Variants in INTS14 observed in about 807,000 individuals in gnomAD.
INTS14 encodes UPF0464 protein C15orf44.
Under a neutral mutation model 56.9 loss-of-function variants are expected in INTS14, and 27 were observed. The ratio of observed to expected loss-of-function variants is 0.47; its 90% CI spans 0.35 to 0.65. INTS14 has a LOEUF of 0.65. Among genes scored for constraint, INTS14 ranks in the 30% least tolerant of loss-of-function variants. INTS14 has a pLI of 0.00. For synonymous variants in INTS14, 207 were observed against 236.2 expected (o/e 0.88, Z 1.13); for missense variants, 517 against 632.2 (o/e 0.82, Z 1.95).
intron 1 of INTS14, among the ~76,000 whole-genome samples, chr15:65,607,817 G>A (rs111308290): frequency 1.8e-4 from 27 of 152,302 alleles, no homozygotes; most frequent in African/African-American, 6.5e-4. Context: ...GGTGCTATTT[G>A]ACAAACAACC....
intron 9 of INTS14, chr15:65,586,949 C>A (rs2072847932): frequency 1.3e-5 from 2 of 152,018 alleles, no homozygotes; most frequent in African/African-American, 4.8e-5. Context: ...ATTCAGAATA[C>A]CAGGGATACA....
At position 65,579,150 on chromosome 15, in the gene INTS14, A is replaced by C; in HGVS notation, c.*258T>G. The C allele has an allele frequency of 2.4e-6, 1 of 425,494 alleles. No homozygotes were observed. Among genetic ancestry groups the C allele is most frequent in the Non-Finnish European group, 4.2e-6 (1 of 238,628 alleles). 26.4% of individuals were successfully genotyped at this position (425,494 alleles called of 1,614,324 possible). A position where few individuals can be genotyped will look rare whatever the true frequency, so the allele number is the denominator to read the frequency against. ...TCATCAGTCATTCAAGCTTCTCAGG[A>C]AATGTGCCCATCATGGGAACAGCAG... On this transcript the variant is annotated 3_prime_UTR_variant, in exon 12 of 12. Transcript: ENST00000313182.
rs751729503 is a variant in INTS14, at chr15:65,598,303, G to GT, written c.748+17dup. 68 of 1,605,624 alleles carry GT rather than the reference G, an allele frequency of 4.2e-5. No homozygotes were observed. Among genetic ancestry groups the GT allele is most frequent in the Non-Finnish European group, 5.5e-5 (65 of 1,175,158 alleles). ...GGATAACAGAGAAACTAAGAAATAA[G>GT]TTTTTTTAAAAAGTTACCTGTGTTA... On this transcript the variant is annotated intron_variant, in intron 6 of 11. Transcript: ENST00000313182.
rs371480512 is a variant in INTS14, at chr15:65,591,729, G to C, written c.989C>G (p.Pro330Arg). 8.1e-6 allele frequency: 13 copies of C among 1,613,866 alleles called. No homozygotes were observed. Among genetic ancestry groups the C allele is most frequent in the Non-Finnish European group, 1.1e-5 (13 of 1,179,916 alleles). Residue 330 changes from proline (P) to arginine (R), a missense_variant and splice_region_variant, in exon 9 of 12, where the codon CCT becomes CGT. Coordinates refer to ENST00000313182, the MANE Select transcript of INTS14 (RefSeq NM_001394796.1). ...GGAGTAGAGCATTCCATGCCATTCA[G>C]GACTAGATGGAGAGAAGACGGAAGA... ...EGMVAIVQLG[P>R]EWHGMLYSQA...
chr15:65,593,096 T>TAA (rs765099877), intron 8 of INTS14, among the ~76,000 whole-genome samples: 4 of 136,076 alleles, frequency 2.9e-5, no homozygotes, highest in African/African-American at 5.4e-5. Flanking sequence ...TTCTATAAAT[T>TAA]AAAAAAAAAA....
At chr15:65,593,333 G>A (rs2073098347) in intron 8 of INTS14, 95 bp downstream of exon 8, 1 of 1,412,572 alleles carries the variant, frequency 7.1e-7, no homozygotes. Context: ...AGGTGACAAG[G>A]ACCTTTCTAT....
chr15:65,609,355 T>C (rs1260053824), intron 1 of INTS14, among the ~76,000 whole-genome samples: 3 of 151,588 alleles, frequency 2.0e-5, no homozygotes, highest in Non-Finnish European at 4.4e-5. Flanking sequence ...AAGAAGAAAC[T>C]GAAAGTTCCT....
intron 5 of INTS14, 200 bp downstream of exon 5, chr15:65,598,672 A>T: frequency 1.4e-6 from 1 of 710,682 alleles, no homozygotes; most frequent in Non-Finnish European, 2.3e-6. Flanking sequence ...TTGCTGAGTC[A>T]TTATAAGGAA....
Position 65,579,668 on chromosome 15 carries a change from A to C in INTS14, c.1306-9T>G. On this transcript the variant is annotated splice_polypyrimidine_tract_variant and intron_variant, in intron 11 of 11. Transcript: ENST00000313182. The stretch of plus-strand genomic sequence containing the variant: ...CGCAAACGGTTCAGCTCCTGAAACA[A>C]GACAGAAAATCACCAATGCTCCTGA... 1.9e-6 allele frequency: 3 copies of C among 1,607,756 alleles called. No individual in the cohort carries two copies. The highest frequency in any genetic ancestry group is 2.6e-6 in the Non-Finnish European group (3 of 1,174,856).
chr15:65,602,778 C>T (rs2073489395), intron 3 of INTS14, among the ~76,000 whole-genome samples: 1 of 152,096 alleles, frequency 6.6e-6, no homozygotes, highest in Non-Finnish European at 1.5e-5. Flanking sequence ...AGCGATTCTC[C>T]TGCCGCAGCC....
Position 65,599,916 on chromosome 15 carries a change from G to A in INTS14, c.344C>T (p.Thr115Ile), listed in dbSNP as rs769664027. The change falls in exon 4 of 12, where the codon ACA becomes ATA. Residue 115 changes from threonine (T) to isoleucine (I), a missense_variant. By Grantham distance (89) the Thr-to-Ile change is moderately conservative (BLOSUM62 -1). Coordinates refer to ENST00000313182, the MANE Select transcript of INTS14 (RefSeq NM_001394796.1). ...TCTACCAATGCCAAGACAGCCGTCT[G>A]TCACCAGGACAACCTGTTTGTAAAA... ...GAIPCQVVLV[T>I]DGCLGIGRGS... 3 of 1,612,890 alleles carry A rather than the reference G, an allele frequency of 1.9e-6. No individual in the cohort carries two copies. Among genetic ancestry groups the A allele is most frequent in the East Asian group, 4.5e-5 (2 of 44,890 alleles).
chr15:65,610,713 C>CGA (rs1234402946), intron 1 of INTS14: 24 of 1,535,556 alleles, frequency 1.6e-5, no homozygotes, highest in Non-Finnish European at 1.9e-5. Flanking sequence ...CGTCAGCCTC[C>CGA]GGGAGTCCCT....
At chr15:65,579,719 A>G in intron 11 of INTS14, 60 bp from the exon 12 acceptor site, 1 of 1,564,354 alleles carries the variant, frequency 6.4e-7, no homozygotes, top group Non-Finnish European at 8.7e-7. Flanking sequence ...CATACTTTCT[A>G]AGTGCTCAGC....
At chr15:65,608,364 CA>C (rs35399300) in intron 1 of INTS14, among the ~76,000 whole-genome samples, 16,045 of 64,070 alleles carry the variant, frequency 0.25, 787 homozygotes, top group East Asian at 0.56. Flanking sequence ...GGCTCCATCT[CA>C]AAAAAAAAAA....
At chr15:65,603,245 G>A (rs72740738) in intron 3 of INTS14, among the ~76,000 whole-genome samples, 1 of 152,280 alleles carries the variant, frequency 6.6e-6, no homozygotes, top group Non-Finnish European at 1.5e-5. Flanking sequence ...ATAAAACAGG[G>A]AGGTTTTCAC....
At chr15:65,603,036 G>C (rs748802888) in intron 3 of INTS14, among the ~76,000 whole-genome samples, 13 of 152,292 alleles carry the variant, frequency 8.5e-5, no homozygotes, top group Non-Finnish European at 1.5e-4. Context: ...CTACTTGCTA[G>C]CTTTCAGTTC....
chr15:65,584,620 G>A (rs2072749362), intron 10 of INTS14, 150 bp downstream of exon 10: 1 of 613,862 alleles, frequency 1.6e-6, no homozygotes, highest in African/African-American at 1.9e-5. Flanking sequence ...TTACTGTAGG[G>A]CATCTCAAAT....
chr15:65,591,766 T>C, intron 8 of INTS14, 35 bp from the exon 9 acceptor site: 1 of 1,610,460 alleles, frequency 6.2e-7, no homozygotes, highest in South Asian at 1.1e-5. Context: ...CAGAAGAACA[T>C]CAAGCCTGAG....
Position 65,578,794 on chromosome 15 carries a change from ATATTT to A in INTS14, c.*609_*613del, listed in dbSNP as rs2141233199. 1 of 152,346 alleles carries A rather than the reference ATATTT, an allele frequency of 6.6e-6. No homozygotes were observed. Among genetic ancestry groups the A allele is most frequent in the South Asian group, 2.1e-4 (1 of 4,824 alleles). The allele number at this position is 152,346 out of a possible 1,614,324, so 9.4% of individuals were successfully genotyped here. A position where few individuals can be genotyped will look rare whatever the true frequency, so the allele number is the denominator to read the frequency against. On this transcript the variant is annotated 3_prime_UTR_variant, in exon 12 of 12. Coordinates refer to ENST00000313182, the MANE Select transcript of INTS14 (RefSeq NM_001394796.1). ...GTGAAACCATTTTCTAGAAAATCAA[ATATTT>A]TATTTTCATTAAAAAAAAACCTTGA...
Sources: gnomAD v4.1 joint callset for allele counts (sites outside exome capture counted in the v4.1 genomes callset) on GRCh38, gnomAD v4.1.1 for gene constraint, MANE v1.5 for transcripts, NCBI Gene and HGNC (gene_info 2026-07-23, HGNC 2026-07-21) for gene names.